The following CRACDL variants were observed in gnomAD, a reference collection of about 807,000 sequenced individuals.
The protein encoded by CRACDL is CRACD like, also known as CRACD-like protein.
A neutral mutation model predicts 70.6 loss-of-function variants in CRACDL; 26 were observed. The observed-to-expected ratio is 0.37, with a 90% CI of 0.27 to 0.51. CRACDL has a LOEUF of 0.51. Among genes scored for constraint, CRACDL ranks in the 20% least tolerant of loss-of-function variants. CRACDL has a pLI of 0.94. For synonymous variants in CRACDL, 618 were observed against 615.2 expected (o/e 1.00, Z -0.07); for missense variants, 1,283 against 1,376.9 (o/e 0.93, Z 1.08).
intron 1 of CRACDL, among the ~76,000 whole-genome samples, chr2:98,918,291 G>A (rs1708713125): frequency 6.6e-6 from 1 of 152,104 alleles, no homozygotes; most frequent in African/African-American, 2.4e-5. Flanking sequence ...CTAGCACTTT[G>A]GGAGGCCAAT....
At chr2:98,885,461 C>G (rs1402827947) in intron 1 of CRACDL, among the ~76,000 whole-genome samples, 2 of 152,228 alleles carry the variant, frequency 1.3e-5, no homozygotes, top group East Asian at 1.9e-4. Flanking sequence ...AAATAAATAA[C>G]AGCCAAAAGC....
chr2:98,797,485 C>G lies in CRACDL; in HGVS notation c.2469G>C (p.Ala823=). 6.2e-7 allele frequency: 1 copy of G among 1,614,192 alleles called. No homozygotes were observed. The highest frequency in any genetic ancestry group is 8.5e-7 in the Non-Finnish European group (1 of 1,180,032). The part of the protein sequence containing the change: ...ATGPGADGQP[A]PPWITVTRQK... ...GCCGAGTGACGGTGATCCAGGGTGG[C>G]GCAGGCTGCCCATCAGCTCCAGGCC... The change falls in exon 8 of 10, where the codon GCG becomes GCC. Residue 823 remains alanine, a synonymous_variant. Transcript: ENST00000397899.
chr2:98,919,177 T>C (rs1282020760), intron 1 of CRACDL, among the ~76,000 whole-genome samples: 1 of 152,226 alleles, frequency 6.6e-6, no homozygotes, highest in Non-Finnish European at 1.5e-5. Context: ...GCACCATTTA[T>C]TGAAAGGGGT....
At chr2:98,871,894 C>G (rs977736338) in intron 1 of CRACDL, among the ~76,000 whole-genome samples, 9 of 152,110 alleles carry the variant, frequency 5.9e-5, no homozygotes, top group Admixed American at 3.3e-4. Flanking sequence ...TAAGAGTATG[C>G]AATAGCAAAG....
At chr2:98,887,438 T>A (rs1707829438) in intron 1 of CRACDL, among the ~76,000 whole-genome samples, 10 of 151,824 alleles carry the variant, frequency 6.6e-5, no homozygotes, top group Admixed American at 5.9e-4. Context: ...CAATGAGCCA[T>A]GATCAAGCCA....
At chr2:98,889,705 T>C (rs1000913568) in intron 1 of CRACDL, among the ~76,000 whole-genome samples, 3 of 152,218 alleles carry the variant, frequency 2.0e-5, no homozygotes, top group Non-Finnish European at 4.4e-5. Flanking sequence ...AATAGCAGAA[T>C]TCACATTCTT....
At chr2:98,905,100 T>C (rs996072195) in intron 1 of CRACDL, among the ~76,000 whole-genome samples, 2 of 151,568 alleles carry the variant, frequency 1.3e-5, no homozygotes, top group African/African-American at 2.4e-5. Context: ...AATACAAAAA[T>C]TTAGCCGGGC....
intron 1 of CRACDL, among the ~76,000 whole-genome samples, chr2:98,923,107 T>C (rs1708842155): frequency 6.6e-6 from 1 of 151,760 alleles, no homozygotes; most frequent in African/African-American, 2.4e-5. Flanking sequence ...TCGTCTCTAC[T>C]AAAATACAAA....
At chr2:98,877,581 TA>T (rs1341710522) in intron 1 of CRACDL, among the ~76,000 whole-genome samples, 1 of 152,024 alleles carries the variant, frequency 6.6e-6, no homozygotes, top group Non-Finnish European at 1.5e-5. Context: ...ACCCCGTTAC[TA>T]CTAAAAATAC....
rs569403952 is a variant in CRACDL at position 98,820,861 on chromosome 2, G to A, written c.2416+996C>T. 2.2e-4 allele frequency among the ~76,000 whole-genome samples: 33 copies of A among 152,302 alleles called. No individual in the cohort carries two copies. In the South Asian group the frequency reaches 6.8e-3, roughly 32 times the overall value. On this transcript the variant is annotated intron_variant, in intron 7 of 9. Coordinates refer to ENST00000397899, the MANE Select transcript of CRACDL (RefSeq NM_207362.3). Reference sequence around the variant, plus strand: ...ACTTTCCATGTTGCAGCTGAGCCACGTGAACCTGATTATGAAGCAGGAGGA... The same window carrying A: ...ACTTTCCATGTTGCAGCTGAGCCACATGAACCTGATTATGAAGCAGGAGGA...
intron 1 of CRACDL, among the ~76,000 whole-genome samples, chr2:98,931,881 A>G (rs1370185547): frequency 6.6e-6 from 1 of 152,196 alleles, no homozygotes; most frequent in Non-Finnish European, 1.5e-5. Context: ...GGGCACCGAC[A>G]GAAACAGCAT....
chr2:98,882,460 T>C (rs943867864), intron 1 of CRACDL, among the ~76,000 whole-genome samples: 1 of 152,210 alleles, frequency 6.6e-6, no homozygotes, highest in Non-Finnish European at 1.5e-5. Flanking sequence ...TTCAGAATTG[T>C]TGCAAGAGAA....
chr2:98,876,534 T>A (rs1380319365), intron 1 of CRACDL, among the ~76,000 whole-genome samples: 2 of 152,080 alleles, frequency 1.3e-5, no homozygotes, highest in Non-Finnish European at 2.9e-5. Flanking sequence ...GGGATCTGGG[T>A]TGCACACTCC....
At chr2:98,800,412 T>C (rs1300390171) in intron 7 of CRACDL, among the ~76,000 whole-genome samples, 1 of 152,052 alleles carries the variant, frequency 6.6e-6, no homozygotes, top group African/African-American at 2.4e-5. Context: ...TTTCTGTCCA[T>C]AATGGGGACA....
At chr2:98,933,483 T>G (rs913178056) in intron 1 of CRACDL, among the ~76,000 whole-genome samples, 1 of 152,120 alleles carries the variant, frequency 6.6e-6, no homozygotes, top group Non-Finnish European at 1.5e-5. Context: ...ACTGAGTATA[T>G]GAAAAAGGGA....
In CRACDL at chr2:98,822,137, C is replaced by T. The variant is rs1287696830; in HGVS notation, c.2136G>A (p.Glu712=). The change falls in exon 7 of 10, where the codon GAG becomes GAA. Residue 712 remains glutamate, a synonymous_variant. Transcript: ENST00000397899. The surrounding 1 kb of genome is among the most constrained non-coding windows in gnomAD (Gnocchi z 4.9). ...EVKGVKRYSA[E]VRLERSLTVL... Reference sequence around the variant, plus strand: ...CGGTCAGCGACCTTTCTAACCGGACCTCGGCACTGTACCTCTTCACACCCT... The same window carrying T: ...CGGTCAGCGACCTTTCTAACCGGACTTCGGCACTGTACCTCTTCACACCCT... 2 of 1,599,602 alleles carry T rather than the reference C, an allele frequency of 1.3e-6. No individual in the cohort carries two copies. Among genetic ancestry groups the T allele is most frequent in the Non-Finnish European group, 1.7e-6 (2 of 1,173,338 alleles).
At chr2:98,889,322 AGAAAGAAAGAAAGAAAG>A (rs1013752346) in intron 1 of CRACDL, among the ~76,000 whole-genome samples, 1 of 92,092 alleles carries the variant, frequency 1.1e-5, no homozygotes, top group African/African-American at 5.3e-5. Flanking sequence ...AAAGAAAGAA[AGAAAGAAAGAAAGAAAG>A]AAAGGAAACA....
At chr2:98,797,289 C>T in intron 8 of CRACDL, 61 bp downstream of exon 8, 5 of 1,535,476 alleles carry the variant, frequency 3.3e-6, no homozygotes, top group Non-Finnish European at 4.5e-6. Flanking sequence ...GGGTCCTCGC[C>T]CCAGTCCCAG....
Position 98,822,015 on chromosome 2 carries a change from G to C in CRACDL, c.2258C>G (p.Pro753Arg), listed in dbSNP as rs1705062256. ...SDQGKGKARP[P>R]EPLSSKPPLP... ...GGGCGGCTTGGAGCTGAGCGGCTCG[G>C]GGGGCCGGGCCTTCCCCTTTCCTTG... Residue 753 changes from proline (P) to arginine (R), a missense_variant, in exon 7 of 10, where the codon CCC becomes CGC. By Grantham distance (103) the Pro-to-Arg change is moderately radical. Around this residue, in one of 2 missense-constraint regions of CRACDL, gnomAD observed 921 missense variants for 881.9 expected, o/e 1.04. Transcript: ENST00000397899. The surrounding 1 kb of genome is among the most constrained non-coding windows in gnomAD (Gnocchi z 4.9). 2 of 1,539,112 alleles carry C rather than the reference G, an allele frequency of 1.3e-6. No homozygotes were observed. The highest frequency in any genetic ancestry group is 1.8e-6 in the Non-Finnish European group (2 of 1,142,084).
Sources: allele counts gnomAD v4.1 joint callset (sites outside exome capture counted in the v4.1 genomes callset), GRCh38; gene constraint gnomAD v4.1.1; regional missense constraint gnomAD v4.1.1; non-coding constraint Gnocchi (gnomAD v3.1); transcripts MANE v1.5; gene names NCBI Gene and HGNC (gene_info 2026-07-23, HGNC 2026-07-21).